CSMD1: variants seen among roughly 807,000 people sequenced by gnomAD.
The protein encoded by CSMD1 is CUB and sushi domain-containing protein 1.
CSMD1 carries 213 observed loss-of-function variants against 417.5 expected under a neutral mutation model. The observed-to-expected ratio is 0.51, with a 90% CI of 0.46 to 0.57. The LOEUF is 0.57. Ranked by LOEUF, CSMD1 falls within the 20% of genes least tolerant of loss-of-function variation. The pLI, the probability that CSMD1 is intolerant of heterozygous loss-of-function variation, is 0.00. For synonymous variants in CSMD1, 2,862 were observed against 1,736.8 expected (o/e 1.65, Z -16.11); for missense variants, 6,923 against 4,529.7 (o/e 1.53, Z -15.17).
chr8:4,159,253 A>G (rs914222620), intron 3 of CSMD1, among the ~76,000 whole-genome samples: 1 of 152,216 alleles, frequency 6.6e-6, no homozygotes. Flanking sequence ...GAAATGTTTT[A>G]CTCATTGGGG....
intron 5 of CSMD1, among the ~76,000 whole-genome samples, chr8:3,849,248 A>C (rs1176563160): frequency 6.6e-6 from 1 of 152,144 alleles, no homozygotes; most frequent in Non-Finnish European, 1.5e-5. Context: ...AAACGAAACA[A>C]AACCACAGGA....
In CSMD1 at chr8:3,207,554, C is replaced by T. The variant is rs868352453; in HGVS notation, c.4868-1934G>A. On this transcript the variant is annotated intron_variant, in intron 30 of 69. Transcript: ENST00000635120. ...TATTAATTGATGGACAGAACATTTT[C>T]CATGATGAATTAAGCTCCTTAGAAT... 1.4e-4 allele frequency among the ~76,000 whole-genome samples: 21 copies of T among 152,206 alleles called. 1 individual carries two copies. In the Middle Eastern group the frequency reaches 0.01, roughly 74 times the overall value.
At chr8:3,454,474 T>C (rs1441665057) in intron 12 of CSMD1, among the ~76,000 whole-genome samples, 2 of 152,358 alleles carry the variant, frequency 1.3e-5, no homozygotes, top group Non-Finnish European at 2.9e-5. Context: ...CCATGTTTTG[T>C]GCTTCCTTCA....
intron 7 of CSMD1, among the ~76,000 whole-genome samples, chr8:3,634,160 C>G (rs1196088359): frequency 6.6e-6 from 1 of 152,128 alleles, no homozygotes; most frequent in Non-Finnish European, 1.5e-5. Context: ...TTGGAATGTC[C>G]TAGCTTATGA....
At chr8:3,719,096 T>C (rs538849548) in intron 6 of CSMD1, among the ~76,000 whole-genome samples, 21 of 152,322 alleles carry the variant, frequency 1.4e-4, no homozygotes, top group African/African-American at 4.1e-4. Flanking sequence ...TCTCAGACGA[T>C]TCGCAAATTC....
intron 5 of CSMD1, among the ~76,000 whole-genome samples, chr8:3,880,688 T>C (rs1434512780): frequency 6.6e-6 from 1 of 152,180 alleles, no homozygotes; most frequent in African/African-American, 2.4e-5. Flanking sequence ...TTTGCACACG[T>C]TTCCCAAATC....
At chr8:2,953,464 A>C (rs1802778368) in intron 65 of CSMD1, among the ~76,000 whole-genome samples, 1 of 151,966 alleles carries the variant, frequency 6.6e-6, no homozygotes, top group African/African-American at 2.4e-5. Flanking sequence ...AAAAAAAAAA[A>C]AAAACAGTGT....
intron 3 of CSMD1, among the ~76,000 whole-genome samples, chr8:4,041,569 G>C (rs1246201165): frequency 2.0e-5 from 3 of 152,098 alleles, no homozygotes; most frequent in Non-Finnish European, 4.4e-5. Context: ...CTGTCAAAGT[G>C]AGATTCACAG....
At chr8:3,894,104 G>A (rs552645298) in intron 5 of CSMD1, among the ~76,000 whole-genome samples, 7 of 152,236 alleles carry the variant, frequency 4.6e-5, no homozygotes, top group Admixed American at 1.3e-4. Context: ...ACGGTGTTCC[G>A]TCTATTCTGC....
At chr8:3,260,270 T>A (rs1800957818) in intron 26 of CSMD1, among the ~76,000 whole-genome samples, 1 of 152,096 alleles carries the variant, frequency 6.6e-6, no homozygotes, top group Non-Finnish European at 1.5e-5. Flanking sequence ...CAGGGTGAGA[T>A]CCTCGCCCAG....
At chr8:4,026,770 T>C (rs999649076) in intron 4 of CSMD1, among the ~76,000 whole-genome samples, 4 of 152,188 alleles carry the variant, frequency 2.6e-5, no homozygotes, top group Admixed American at 6.5e-5. Flanking sequence ...ATAACTAAAA[T>C]TTAGATTTAA....
At chr8:4,435,920 T>A (rs1256238964) in intron 2 of CSMD1, among the ~76,000 whole-genome samples, 2 of 152,128 alleles carry the variant, frequency 1.3e-5, no homozygotes, top group African/African-American at 2.4e-5. Flanking sequence ...CGGAAAATAA[T>A]TAGAATTTTA....
At chr8:3,877,649 T>G (rs1052426356) in intron 5 of CSMD1, among the ~76,000 whole-genome samples, 1 of 150,642 alleles carries the variant, frequency 6.6e-6, no homozygotes, top group African/African-American at 2.5e-5. Context: ...CAGTAGAATG[T>G]CTATTTTCCC....
At chr8:3,518,566 G>A (rs563716198) in intron 10 of CSMD1, among the ~76,000 whole-genome samples, 4 of 152,168 alleles carry the variant, frequency 2.6e-5, no homozygotes, top group Non-Finnish European at 5.9e-5. Flanking sequence ...CTATGTGAAA[G>A]TAAATTAGAA....
chr8:3,296,494 T>C (rs1803976465), intron 25 of CSMD1, among the ~76,000 whole-genome samples: 1 of 152,010 alleles, frequency 6.6e-6, no homozygotes, highest in Admixed American at 6.6e-5. Flanking sequence ...ATTTTAAGGA[T>C]GATATACCAA....
At chr8:4,509,397 A>AG (rs1802700099) in intron 2 of CSMD1, among the ~76,000 whole-genome samples, 1 of 152,196 alleles carries the variant, frequency 6.6e-6, no homozygotes, top group Non-Finnish European at 1.5e-5. Flanking sequence ...GCTGCTTCAA[A>AG]GGGGAATCAG....
rs184155852 is a variant in CSMD1, at chr8:4,195,450, G to T, written c.416-163351C>A. On this transcript the variant is annotated intron_variant, in intron 3 of 69. Coordinates refer to ENST00000635120, the MANE Select transcript of CSMD1 (RefSeq NM_033225.6). The stretch of plus-strand genomic sequence containing the variant: ...GTCATGATTTAAAAAAGACGAGTGT[G>T]GCAGTACAGCCTTAATGTGCTCCTC... 6.6e-5 allele frequency among the ~76,000 whole-genome samples: 10 copies of T among 152,268 alleles called. No individual in the cohort carries two copies. In the East Asian group the frequency reaches 1.9e-3, roughly 29 times the overall value.
chr8:3,186,928 G>C (rs1472346810), intron 36 of CSMD1, among the ~76,000 whole-genome samples: 1 of 152,216 alleles, frequency 6.6e-6, no homozygotes, highest in Non-Finnish European at 1.5e-5. Context: ...TTTTAGTAGA[G>C]ACAGGGTTTC....
chr8:4,990,349 C>T (rs1811396481), intron 1 of CSMD1, among the ~76,000 whole-genome samples: 2 of 141,386 alleles, frequency 1.4e-5, no homozygotes, highest in African/African-American at 5.6e-5. Flanking sequence ...GAGATATTAA[C>T]TTCATTTTAA....
Sources: allele counts gnomAD v4.1 joint callset (sites outside exome capture counted in the v4.1 genomes callset), GRCh38; gene constraint gnomAD v4.1.1; transcripts MANE v1.5; gene names NCBI Gene and HGNC (gene_info 2026-07-23, HGNC 2026-07-21).